NUP155: variants seen among roughly 807,000 people sequenced by gnomAD.
The protein encoded by NUP155 is nuclear pore complex protein Nup155.
In NUP155, 71 loss-of-function variants were observed where a neutral mutation model predicts 180.4. That is an observed-to-expected ratio of 0.39 (90% confidence interval 0.33 to 0.48). The LOEUF (loss-of-function observed/expected upper bound fraction) is 0.48. Among genes scored for constraint, NUP155 ranks in the 20% least tolerant of loss-of-function variants. The pLI is 0.91. For missense variants in NUP155, 1,553 were observed against 1,648.9 expected (o/e 0.94, Z 1.01); for synonymous variants, 582 against 559.5 (o/e 1.04, Z -0.57).
intron 11 of NUP155, among the ~76,000 whole-genome samples, chr5:37,338,161 T>C (rs1297969740): frequency 6.6e-6 from 1 of 151,196 alleles, no homozygotes; most frequent in Non-Finnish European, 1.5e-5. Context: ...TCTACTAAAA[T>C]ACAAAAATTA....
At chr5:37,321,875 G>C (rs569255385) in intron 20 of NUP155, among the ~76,000 whole-genome samples, 99 of 151,776 alleles carry the variant, frequency 6.5e-4, no homozygotes, top group Non-Finnish European at 1.4e-3. Flanking sequence ...TTTTTTTTGA[G>C]ACAGAGTTTC....
intron 11 of NUP155, among the ~76,000 whole-genome samples, chr5:37,338,404 A>G (rs1271484729): frequency 1.3e-5 from 2 of 149,696 alleles, no homozygotes; most frequent in East Asian, 3.9e-4. Flanking sequence ...CACACACAAC[A>G]TCAATCTTTT....
chr5:37,349,901 G>T (rs566804413), intron 7 of NUP155, among the ~76,000 whole-genome samples: 2 of 152,166 alleles, frequency 1.3e-5, no homozygotes, highest in Admixed American at 6.5e-5. Context: ...CACATATTTT[G>T]GTTTAATTAT....
chr5:37,323,307 T>C (rs1744369174), intron 20 of NUP155, among the ~76,000 whole-genome samples: 1 of 152,014 alleles, frequency 6.6e-6, no homozygotes, highest in Non-Finnish European at 1.5e-5. Flanking sequence ...CACAAAAACT[T>C]GTACAGGAAT....
chr5:37,358,460 AAAAAG>A lies in NUP155; in HGVS notation c.393-314_393-310del, dbSNP rs1462745908. Among the ~76,000 whole-genome samples, 6 of 152,156 alleles carry A rather than the reference AAAAAG, an allele frequency of 3.9e-5. No individual in the cohort carries two copies. The South Asian group carries it at 1.2e-3, about 32-fold the overall frequency. ...GGTGACAAAGTGAGAGCCTGTCTCA[AAAAAG>A]AAAAGAAAAGAAAAACAGAAAACCA... On this transcript the variant is annotated intron_variant, in intron 3 of 34. Coordinates refer to ENST00000231498, the MANE Select transcript of NUP155 (RefSeq NM_153485.3).
At position 37,328,340 on chromosome 5, in the gene NUP155, A is replaced by G; in HGVS notation, c.1876+18T>C. On this transcript the variant is annotated intron_variant, in intron 17 of 34. Coordinates refer to ENST00000231498, the MANE Select transcript of NUP155 (RefSeq NM_153485.3). Reference sequence around the variant, plus strand: ...GCACTTCAAAATGAATCCAATCCAAAACAAAGAAAAGAGGTACCATGAGAC... The same window carrying G: ...GCACTTCAAAATGAATCCAATCCAAGACAAAGAAAAGAGGTACCATGAGAC... 1.3e-6 allele frequency: 2 copies of G among 1,583,342 alleles called. No individual in the cohort carries two copies. The highest frequency in any genetic ancestry group is 1.7e-6 in the Non-Finnish European group (2 of 1,152,396).
chr5:37,329,208 C>T lies in NUP155; in HGVS notation c.1795G>A (p.Gly599Arg), dbSNP rs761362586. Residue 599 changes from glycine to arginine, a missense_variant, in exon 16 of 35, where the codon GGG (glycine) becomes AGG (arginine). By Grantham distance (125) the Gly-to-Arg change is moderately radical. Coordinates refer to ENST00000231498, the MANE Select transcript of NUP155 (RefSeq NM_153485.3). ...TACTCACTAGAATAGACAGGAGACC[C>T]CAAGATGGGACCAACATTACTTGGA... ...PPPSNVGPIL[G>R]SPVYSSSPVP... 4.3e-6 allele frequency: 7 copies of T among 1,613,480 alleles called. No homozygotes were observed. The East Asian group carries it at 1.6e-4, about 36-fold the overall frequency.
intron 3 of NUP155, among the ~76,000 whole-genome samples, chr5:37,359,315 T>C (rs942837176): frequency 5.3e-5 from 8 of 151,686 alleles, no homozygotes; most frequent in South Asian, 2.1e-4. Context: ...AATACAAAAA[T>C]AGAAAATGCT....
chr5:37,300,017 C>T (rs1742780817), intron 30 of NUP155, among the ~76,000 whole-genome samples: 1 of 149,638 alleles, frequency 6.7e-6, no homozygotes, highest in African/African-American at 2.5e-5. Flanking sequence ...GACTCTGTCT[C>T]CCCCCGCCAA....
chr5:37,345,958 A>C (rs1198073932), intron 9 of NUP155, among the ~76,000 whole-genome samples: 5 of 151,314 alleles, frequency 3.3e-5, no homozygotes, highest in African/African-American at 9.7e-5. Flanking sequence ...TTGTTCTTTT[A>C]ATTTTTTTGT....
At chr5:37,325,764 G>C in intron 19 of NUP155, 137 bp downstream of exon 19, 1 of 539,962 alleles carries the variant, frequency 1.9e-6, no homozygotes, top group Non-Finnish European at 3.0e-6. Context: ...GCAGGACTCT[G>C]TCTCAAAAAA....
chr5:37,366,579 C>T (rs1175072624), intron 1 of NUP155, among the ~76,000 whole-genome samples: 2 of 152,052 alleles, frequency 1.3e-5, no homozygotes, highest in Non-Finnish European at 2.9e-5. Context: ...GCTGGGATTA[C>T]AGGCATGAGC....
In NUP155 at chr5:37,314,308, T is replaced by C; in HGVS notation, c.2326A>G (p.Ile776Val). 6.2e-7 allele frequency: 1 copy of C among 1,606,108 alleles called. No homozygotes were observed. The highest frequency in any genetic ancestry group is 8.5e-7 in the Non-Finnish European group (1 of 1,173,178). The change falls in exon 22 of 35, where the codon ATT becomes GTT. Residue 776 changes from isoleucine to valine, a missense_variant. Transcript: ENST00000231498. ...KFHEAQLSEK[I>V]SLQAIQQLVR... is the part of the protein sequence containing the mutation. The stretch of plus-strand genomic sequence containing the variant: ...AACTGCTGAATTGCCTGAAGTGAAA[T>C]CTTTTCACTTAGTTGAGCCTCTAAT...
intron 22 of NUP155, among the ~76,000 whole-genome samples, chr5:37,312,864 T>G (rs1350806935): frequency 2.0e-5 from 3 of 152,128 alleles, no homozygotes; most frequent in Non-Finnish European, 4.4e-5. Flanking sequence ...ACATTGTTGT[T>G]GTTCAAGGAA....
chr5:37,350,495 T>C (rs1746383611), intron 6 of NUP155, among the ~76,000 whole-genome samples: 1 of 152,096 alleles, frequency 6.6e-6, no homozygotes, highest in African/African-American at 2.4e-5. Context: ...TTTCAAGACA[T>C]ACTGTTAGAT....
chr5:37,341,503 A>G (rs1745719387), intron 10 of NUP155, among the ~76,000 whole-genome samples: 1 of 152,174 alleles, frequency 6.6e-6, no homozygotes, highest in African/African-American at 2.4e-5. Flanking sequence ...CTGAGACTAC[A>G]GGCATGTGCC....
At chr5:37,360,324 T>C (rs1420288127) in intron 3 of NUP155, among the ~76,000 whole-genome samples, 1 of 148,116 alleles carries the variant, frequency 6.8e-6, no homozygotes, top group East Asian at 2.0e-4. Flanking sequence ...TCTACTAAAA[T>C]ACAAAAAAAA....
At chr5:37,344,495 A>G (rs775066568) in intron 9 of NUP155, among the ~76,000 whole-genome samples, 4 of 150,768 alleles carry the variant, frequency 2.7e-5, no homozygotes, top group Non-Finnish European at 5.9e-5. Context: ...CGTCAATATT[A>G]TAAAAAAAAA....
At chr5:37,327,015 A>T (rs1744641398) in intron 18 of NUP155, 2 of 154,530 alleles carry the variant, frequency 1.3e-5, no homozygotes, top group African/African-American at 4.8e-5. Context: ...TTTTATGATG[A>T]TCCATTGCCA....
Sources: gnomAD v4.1 joint callset for allele counts (sites outside exome capture counted in the v4.1 genomes callset) on GRCh38, gnomAD v4.1.1 for gene constraint, MANE v1.5 for transcripts, NCBI Gene and HGNC (gene_info 2026-07-23, HGNC 2026-07-21) for gene names.